Variants in HNF4A observed in about 807,000 individuals in gnomAD.
The protein encoded by HNF4A is hepatocyte nuclear factor 4-alpha.
Under a neutral mutation model 52.4 loss-of-function variants are expected in HNF4A, and 15 were observed. The observed-to-expected ratio is 0.29, with a 90% CI of 0.19 to 0.44. HNF4A has a LOEUF of 0.44. Ranked by LOEUF, HNF4A falls within the 20% of genes least tolerant of loss-of-function variation. HNF4A has a pLI of 1.00. For synonymous variants in HNF4A, 280 were observed against 264.4 expected, an observed-to-expected ratio of 1.06 and a Z score of -0.57; for missense variants, 479 against 647.2, an observed-to-expected ratio of 0.74 and a Z score of 2.82.
intron 3 of HNF4A, among the ~76,000 whole-genome samples, chr20:44,412,717 G>A (rs572807730): frequency 6.6e-6 from 1 of 152,292 alleles, no homozygotes; most frequent in Admixed American, 6.5e-5. Context: ...GGAGCAGGGA[G>A]GGAGCAGCAG....
At chr20:44,381,991 A>G (rs180905341) in intron 1 of HNF4A, among the ~76,000 whole-genome samples, 2 of 152,334 alleles carry the variant, frequency 1.3e-5, no homozygotes, top group African/African-American at 2.4e-5. Flanking sequence ...TAACACATTT[A>G]CTCCACAAAG....
intron 1 of HNF4A, among the ~76,000 whole-genome samples, chr20:44,387,413 G>A (rs372994206): frequency 2.6e-5 from 4 of 151,100 alleles, no homozygotes. Flanking sequence ...TAGGGGTGGG[G>A]GCAAGTGGAA....
intron 3 of HNF4A, among the ~76,000 whole-genome samples, chr20:44,412,610 G>C (rs1033248345): frequency 6.6e-6 from 1 of 152,094 alleles, no homozygotes; most frequent in Non-Finnish European, 1.5e-5. Flanking sequence ...GACTTGAACG[G>C]ATCCCTCTGT....
chr20:44,377,657 G>C (rs1372870426), intron 1 of HNF4A: 1 of 152,028 alleles, frequency 6.6e-6, no homozygotes, highest in Non-Finnish European at 1.5e-5. Flanking sequence ...CAGCCACTTG[G>C]GAGGCTGAGG....
chr20:44,408,207 A>G (rs1279872410), intron 3 of HNF4A: 1 of 156,120 alleles, frequency 6.4e-6, no homozygotes, highest in African/African-American at 2.4e-5. Flanking sequence ...CATTGAACCT[A>G]TTACAATTCC....
At chr20:44,390,890 C>T (rs1013765088) in intron 1 of HNF4A, among the ~76,000 whole-genome samples, 25 of 152,168 alleles carry the variant, frequency 1.6e-4, no homozygotes, top group African/African-American at 4.1e-4. Flanking sequence ...AGAGGAGCCC[C>T]GTAGAGTATT....
intron 1 of HNF4A, among the ~76,000 whole-genome samples, chr20:44,373,676 C>G (rs1417750830): frequency 6.6e-6 from 1 of 151,854 alleles, no homozygotes; most frequent in African/African-American, 2.4e-5. Flanking sequence ...CTATACACAC[C>G]CTTTTTTTTT....
chr20:44,374,964 A>G (rs191952052), intron 1 of HNF4A, among the ~76,000 whole-genome samples: 1 of 152,346 alleles, frequency 6.6e-6, no homozygotes, highest in Non-Finnish European at 1.5e-5. Context: ...CCAACAGTGT[A>G]TAAGTGTTCC....
chr20:44,414,400 C>A, intron 4 of HNF4A, 107 bp from the exon 5 acceptor site: 2 of 1,523,530 alleles, frequency 1.3e-6, no homozygotes, highest in African/African-American at 1.4e-5. Context: ...ACCCACTATC[C>A]AGCCCCCTCC....
chr20:44,387,075 G>T (rs934522366), intron 1 of HNF4A, among the ~76,000 whole-genome samples: 1 of 151,928 alleles, frequency 6.6e-6, no homozygotes, highest in Admixed American at 6.6e-5. Flanking sequence ...GGCCGAGGTG[G>T]GTGGATCACC....
intron 1 of HNF4A, chr20:44,391,576 C>G (rs1229049198): frequency 6.6e-6 from 1 of 152,260 alleles, no homozygotes; most frequent in African/African-American, 2.4e-5. Context: ...AGTTCTAACA[C>G]CATTGCCTTG....
intron 1 of HNF4A, chr20:44,402,672 C>T (rs1315095030): frequency 1.5e-6 from 2 of 1,294,094 alleles, no homozygotes; most frequent in Non-Finnish European, 2.1e-6. Flanking sequence ...GCCCGGAAAC[C>T]CCTCCTGGAG....
chr20:44,416,483 C>A (rs1188495901), intron 5 of HNF4A, among the ~76,000 whole-genome samples: 1 of 152,258 alleles, frequency 6.6e-6, no homozygotes, highest in African/African-American at 2.4e-5. Flanking sequence ...ACTGGAGTGA[C>A]TGATGAAAGA....
intron 1 of HNF4A, among the ~76,000 whole-genome samples, chr20:44,402,271 G>A (rs551324665): frequency 6.6e-6 from 1 of 152,170 alleles, no homozygotes; most frequent in East Asian, 1.9e-4. Flanking sequence ...TGTGTCTGTG[G>A]ATGTTTGTAC....
intron 3 of HNF4A, among the ~76,000 whole-genome samples, chr20:44,412,023 G>A (rs2063591459): frequency 6.6e-6 from 1 of 151,762 alleles, no homozygotes; most frequent in Non-Finnish European, 1.5e-5. Context: ...CACCACTGCA[G>A]TCCAGCCTGG....
intron 1 of HNF4A, among the ~76,000 whole-genome samples, chr20:44,364,544 C>G (rs1192891542): frequency 6.6e-6 from 1 of 151,892 alleles, no homozygotes. Context: ...GATCTTGGCT[C>G]ACTGCAACCT....
intron 1 of HNF4A, among the ~76,000 whole-genome samples, chr20:44,374,603 A>G (rs113666115): frequency 0.021 from 3,244 of 152,244 alleles, 129 homozygotes; most frequent in African/African-American, 0.074. Flanking sequence ...AGCTGGGATT[A>G]CAGGCATGTG....
chr20:44,387,680 C>CG (rs1568705699), intron 1 of HNF4A, among the ~76,000 whole-genome samples: 1 of 2,854 alleles, frequency 3.5e-4, no homozygotes, highest in Non-Finnish European at 6.9e-4. Flanking sequence ...GCGGGGGGGG[C>CG]GGTGGAGCGG....
intron 8 of HNF4A, among the ~76,000 whole-genome samples, chr20:44,425,354 C>T (rs913372000): frequency 6.6e-6 from 1 of 152,196 alleles, no homozygotes; most frequent in South Asian, 2.1e-4. Flanking sequence ...ATGTCACTGT[C>T]TCCAATCATG....
Sources: allele counts gnomAD v4.1 joint callset (sites outside exome capture counted in the v4.1 genomes callset), GRCh38; gene constraint gnomAD v4.1.1; transcripts MANE v1.5; gene names NCBI Gene and HGNC (gene_info 2026-07-23, HGNC 2026-07-21).